CCNG1: variants seen among roughly 807,000 people sequenced by gnomAD.
The protein encoded by CCNG1 is cyclin-G1.
In CCNG1, 13 loss-of-function variants were observed where a neutral mutation model predicts 30.0. The observed-to-expected ratio is 0.43, with a 90% confidence interval of 0.28 to 0.69. The LOEUF (loss-of-function observed/expected upper bound fraction) is 0.69, where lower values mean the gene tolerates loss of function less well. Ranked by LOEUF, CCNG1 falls within the 30% of genes least tolerant of loss-of-function variation. The probability of loss-of-function intolerance (pLI) is 0.16; values close to 1 mark genes in which losing one functional copy is unlikely to be tolerated. For missense variants in CCNG1, 285 were observed against 331.4 expected, an observed-to-expected ratio of 0.86 and a Z score of 1.09; for synonymous variants, 110 against 121.5, an observed-to-expected ratio of 0.91 and a Z score of 0.62.
Position 163,441,895 on chromosome 5 carries a change from C to T in CCNG1, c.528C>T (p.Ser176=). 2.5e-6 allele frequency: 4 copies of T among 1,589,212 alleles called. No individual in the cohort carries two copies. The highest frequency in any genetic ancestry group is 3.5e-6 in the Non-Finnish European group (4 of 1,158,256). ...QENLPLERRN[S]INFERLEAQL... ...CATTTTCTTTTTAAAGGAGAAATAG[C>T]ATTAATTTTGAAAGACTAGAAGCTC... Residue 176 remains serine, a synonymous_variant, in exon 4 of 7, where the codon AGC becomes AGT. Coordinates refer to ENST00000340828, the MANE Select transcript of CCNG1 (RefSeq NM_004060.4).
intron 6 of CCNG1, 83 bp downstream of exon 6, chr5:163,442,651 C>G: frequency 9.6e-7 from 1 of 1,044,754 alleles, no homozygotes. Context: ...TAATTATCTT[C>G]AAAATAAACA....
In CCNG1 at chr5:163,442,480, T is replaced by G; in HGVS notation, c.803T>G (p.Ile268Ser). Residue 268 changes from isoleucine to serine, a missense_variant, in exon 6 of 7, where the codon ATT (isoleucine) becomes AGT (serine). By Grantham distance (142) the Ile-to-Ser change is moderately radical. Coordinates refer to ENST00000340828, the MANE Select transcript of CCNG1 (RefSeq NM_004060.4). ...SKPNVQKLKW[I>S]VSGRTARQLK... ...CCAAATGTTCAGAAGTTGAAATGGA[T>G]TGTTTCTGGGCGTACTGCACGGCAA... The G allele has an allele frequency of 6.2e-7, 1 of 1,614,078 alleles. No homozygotes were observed.
chr5:163,443,527 T>G, intron 6 of CCNG1, 147 bp from the exon 7 acceptor site: 1 of 587,108 alleles, frequency 1.7e-6, no homozygotes, highest in Non-Finnish European at 3.0e-6. Flanking sequence ...CAGTGATGAT[T>G]TATTCTACTC....
rs757742297 is a variant in CCNG1 at position 163,444,394 on chromosome 5, A to C, written c.*724A>C. On this transcript the variant is annotated 3_prime_UTR_variant, in exon 7 of 7. Transcript: ENST00000340828. ...TTTTTATACAGAACCTACTGCCTCA[A>C]ACTGAATCCCATCAAGAAAACTAGT... The C allele has an allele frequency of 6.6e-6, 1 of 152,604 alleles. No homozygotes were observed. The highest frequency in any genetic ancestry group is 1.5e-5 in the Non-Finnish European group (1 of 68,012). 9.5% of individuals were successfully genotyped at this position (152,604 alleles called of 1,614,324 possible).
the CCNG1 span, chr5:163,453,925 G>C: frequency 9.1e-7 from 1 of 1,099,338 alleles, no homozygotes; most frequent in Non-Finnish European, 1.3e-6. Flanking sequence ...GATTAAGTTG[G>C]CAATATCTGC....
chr5:163,442,427 T>TGAATATTCATC lies in CCNG1; in HGVS notation c.751_761dup (p.Lys256IlefsTer14). The TGAATATTCATC allele has an allele frequency of 6.2e-7, 1 of 1,614,000 alleles. No homozygotes were observed. Among genetic ancestry groups the TGAATATTCATC allele is most frequent in the Non-Finnish European group, 8.5e-7 (1 of 1,179,924 alleles). ...AAGAGCTTGTATCCAAATGTTTAAC[T>TGAATATTCATC]GAATATTCATCAAATAAGTGTTCCA... On this transcript the variant is annotated frameshift_variant, in exon 6 of 7. Transcript: ENST00000340828. LOFTEE classifies it high-confidence loss of function.
the CCNG1 span, among the ~76,000 whole-genome samples, chr5:163,454,907 C>T: frequency 2.0e-5 from 3 of 152,100 alleles, no homozygotes; most frequent in African/African-American, 4.8e-5. Flanking sequence ...GGAGACAAAC[C>T]ATAAATCAAC....
At position 163,439,691 on chromosome 5, in the gene CCNG1, A is replaced by G. The variant is rs1010648900; in HGVS notation, c.264+171A>G. 1.7e-5 allele frequency: 10 copies of G among 586,116 alleles called. No homozygotes were observed. In the Admixed American group the frequency reaches 3.3e-4, roughly 19 times the overall value. The allele number at this position is 586,116 out of a possible 1,614,324, so 36.3% of individuals were successfully genotyped here. On this transcript the variant is annotated intron_variant, in intron 2 of 6. Coordinates refer to ENST00000340828, the MANE Select transcript of CCNG1 (RefSeq NM_004060.4). ...TTCTTATCATAATCAAGAGTAGTACATCAGGTATTAGACTTAAATTCTGAA... is the reference window on the plus strand; with the variant it reads ...TTCTTATCATAATCAAGAGTAGTACGTCAGGTATTAGACTTAAATTCTGAA...
chr5:163,440,513 A>G (rs142288046), intron 2 of CCNG1, among the ~76,000 whole-genome samples: 199 of 152,320 alleles, frequency 1.3e-3, no homozygotes, highest in Admixed American at 5.3e-3. Flanking sequence ...TGTGAGCTGG[A>G]AGTAAACTGG....
chr5:163,442,083 C>T lies in CCNG1; in HGVS notation c.636C>T (p.Ile212=), dbSNP rs761247886. ...CATTGTCTATCATTGCATTAGAGAT[C>T]CAAGCACAGAAGTGTGTAGAGTTAA... ...VLALSIIALE[I]QAQKCVELTE... Residue 212 remains isoleucine (I), a synonymous_variant, in exon 5 of 7, where the codon ATC becomes ATT. Coordinates refer to ENST00000340828, the MANE Select transcript of CCNG1 (RefSeq NM_004060.4). The T allele has an allele frequency of 1.2e-5, 19 of 1,612,518 alleles. No individual in the cohort carries two copies. The highest frequency in any genetic ancestry group is 1.4e-5 in the Non-Finnish European group (17 of 1,179,034).
chr5:163,454,513 G>C, the CCNG1 span, among the ~76,000 whole-genome samples: 1 of 151,974 alleles, frequency 6.6e-6, no homozygotes, highest in Non-Finnish European at 1.5e-5. Context: ...GGCTAATTTT[G>C]TATTTTTAGT....
the CCNG1 span, chr5:163,457,054 G>C: frequency 6.2e-7 from 1 of 1,603,652 alleles, no homozygotes; most frequent in East Asian, 2.2e-5. Context: ...GTCTTTGTAA[G>C]AACAATACGA....
In CCNG1 at chr5:163,441,886, G is replaced by A; in HGVS notation, c.519G>A (p.Arg173=). The A allele has an allele frequency of 6.3e-7, 1 of 1,575,682 alleles. No homozygotes were observed. The highest frequency in any genetic ancestry group is 1.1e-5 in the South Asian group (1 of 89,568). Residue 173 remains arginine (R), a splice_region_variant and synonymous_variant, in exon 4 of 7, where the codon AGG becomes AGA. Transcript: ENST00000340828. ...AAGTAATACCATTTTCTTTTTAAAG[G>A]AGAAATAGCATTAATTTTGAAAGAC... ...SLLQENLPLE[R]RNSINFERLE... is the part of the protein sequence containing the mutation.
At chr5:163,439,864 T>C (rs1435998251) in intron 2 of CCNG1, among the ~76,000 whole-genome samples, 2 of 152,152 alleles carry the variant, frequency 1.3e-5, no homozygotes, top group Non-Finnish European at 2.9e-5. Flanking sequence ...CAGAAATTTA[T>C]TAGAGGCTAC....
chr5:163,442,035 T>C lies in CCNG1; in HGVS notation c.598-10T>C. On this transcript the variant is annotated splice_polypyrimidine_tract_variant and intron_variant, in intron 4 of 6. Coordinates refer to ENST00000340828, the MANE Select transcript of CCNG1 (RefSeq NM_004060.4). ...ATATTTGGCATTTACTTTAAATTTATCTCTTTTAGCCTTCTGTGTTGGCAT... is the reference window on the plus strand; with the variant it reads ...ATATTTGGCATTTACTTTAAATTTACCTCTTTTAGCCTTCTGTGTTGGCAT... The C allele has an allele frequency of 6.2e-7, 1 of 1,605,798 alleles. No homozygotes were observed. Among genetic ancestry groups the C allele is most frequent in the Non-Finnish European group, 8.5e-7 (1 of 1,173,366 alleles).
downstream of CCNG1, among the ~76,000 whole-genome samples, chr5:163,445,371 A>T (rs867328428): frequency 2.0e-5 from 3 of 152,078 alleles, no homozygotes; most frequent in Admixed American, 6.6e-5. Context: ...TCTACCCAGT[A>T]TATTTAAATT....
At chr5:163,447,227 G>T, downstream of CCNG1, 1 of 152,800 alleles carries the variant, frequency 6.5e-6, no homozygotes, top group South Asian at 1.9e-4. Flanking sequence ...CAAGGTGGGA[G>T]GATTGCTTGA....
chr5:163,443,761 A>G lies in CCNG1; in HGVS notation c.*91A>G. ...CATAATGTTACAATGGATTTAAGCT[A>G]TGAAGCCTCAAAACATCACGAGATA... On this transcript the variant is annotated 3_prime_UTR_variant, in exon 7 of 7. Transcript: ENST00000340828. 6.9e-7 allele frequency: 1 copy of G among 1,449,066 alleles called. No homozygotes were observed. The highest frequency in any genetic ancestry group is 9.3e-7 in the Non-Finnish European group (1 of 1,073,962). The allele number at this position is 1,449,066 out of a possible 1,614,324, so 89.8% of individuals were successfully genotyped here.
intron 2 of CCNG1, 54 bp downstream of exon 2, chr5:163,439,574 A>T: frequency 6.6e-7 from 1 of 1,508,574 alleles, no homozygotes; most frequent in Non-Finnish European, 9.0e-7. Context: ...TGGAGATGGA[A>T]TTGTTACCTT....
Sources: gnomAD v4.1 joint callset for allele counts (sites outside exome capture counted in the v4.1 genomes callset) on GRCh38, gnomAD v4.1.1 for gene constraint, MANE v1.5 for transcripts, NCBI Gene and HGNC (gene_info 2026-07-23, HGNC 2026-07-21) for gene names.